CCDC6: variants seen among roughly 807,000 people sequenced by gnomAD.
CCDC6 encodes the protein coiled-coil domain-containing protein 6.
CCDC6 carries 20 observed loss-of-function variants against 56.6 expected under a neutral mutation model. That is an observed-to-expected ratio of 0.35 (90% CI 0.25 to 0.51). The LOEUF is 0.51. Among genes scored for constraint, CCDC6 ranks in the 20% least tolerant of loss-of-function variants. The probability of loss-of-function intolerance (pLI) is 0.95; values close to 1 mark genes in which losing one functional copy is unlikely to be tolerated. For missense variants in CCDC6, 367 were observed against 601.1 expected, an observed-to-expected ratio of 0.61 and a Z score of 4.07; for synonymous variants, 241 against 234.4, an observed-to-expected ratio of 1.03 and a Z score of -0.26.
At chr10:59,859,175 T>TG (rs996057451) in intron 1 of CCDC6, among the ~76,000 whole-genome samples, 5 of 148,840 alleles carry the variant, frequency 3.4e-5, no homozygotes, top group African/African-American at 1.2e-4. Context: ...GGAAGGTTTC[T>TG]GGAAAAAAAA....
intron 5 of CCDC6, among the ~76,000 whole-genome samples, chr10:59,809,092 C>T (rs1263806842): frequency 6.6e-6 from 1 of 152,140 alleles, no homozygotes; most frequent in Non-Finnish European, 1.5e-5. Context: ...CCCAAATATG[C>T]AAGCATGCAG....
In CCDC6 at chr10:59,792,999, G is replaced by T; in HGVS notation, c.1343C>A (p.Pro448His). Residue 448 changes from proline to histidine, a missense_variant, in exon 9 of 9, where the codon CCC becomes CAC. Around this residue, in one of 7 missense-constraint regions of CCDC6, gnomAD observed 54 missense variants for 60.0 expected, o/e 0.90. Coordinates refer to ENST00000263102, the MANE Select transcript of CCDC6 (RefSeq NM_005436.5). ...VQPPPPPPPP[P>H]MQPTVPSAAT... Reference sequence around the variant, plus strand: ...TGCTGAGGGGACCGTGGGCTGCATGGGTGGCGGAGGTGGAGGCGGAGGTGG... The same window carrying T: ...TGCTGAGGGGACCGTGGGCTGCATGTGTGGCGGAGGTGGAGGCGGAGGTGG... The T allele has an allele frequency of 6.2e-7, 1 of 1,613,392 alleles. No homozygotes were observed. The highest frequency in any genetic ancestry group is 8.5e-7 in the Non-Finnish European group (1 of 1,179,420).
chr10:59,844,884 G>A (rs558951710), intron 2 of CCDC6, among the ~76,000 whole-genome samples: 15 of 152,064 alleles, frequency 9.9e-5, no homozygotes, highest in Admixed American at 1.3e-4. Context: ...TCTAAGCTGA[G>A]GCATTATTGA....
chr10:59,835,358 C>A (rs540877887), intron 2 of CCDC6, among the ~76,000 whole-genome samples: 1 of 152,206 alleles, frequency 6.6e-6, no homozygotes, highest in East Asian at 1.9e-4. Flanking sequence ...CATATTTAGA[C>A]AGATGGTCTA....
intron 5 of CCDC6, 64 bp downstream of exon 5, chr10:59,812,571 C>T (rs938986178): frequency 1.8e-6 from 2 of 1,096,118 alleles, no homozygotes; most frequent in South Asian, 3.5e-5. Flanking sequence ...GTTGGTAATA[C>T]CCTATATTTG....
intron 1 of CCDC6, among the ~76,000 whole-genome samples, chr10:59,868,187 C>G (rs2071193495): frequency 6.6e-6 from 1 of 152,178 alleles, no homozygotes; most frequent in Non-Finnish European, 1.5e-5. Context: ...AGCTCACAAT[C>G]TGAGCTCATC....
chr10:59,821,180 T>TC (rs1215697524), intron 3 of CCDC6, among the ~76,000 whole-genome samples: 1 of 152,194 alleles, frequency 6.6e-6, no homozygotes, highest in African/African-American at 2.4e-5. Flanking sequence ...CATCCTATTT[T>TC]CCCATACACC....
At chr10:59,828,979 C>A (rs2070812219) in intron 3 of CCDC6, among the ~76,000 whole-genome samples, 1 of 152,144 alleles carries the variant, frequency 6.6e-6, no homozygotes, top group African/African-American at 2.4e-5. Context: ...CATTTATAGC[C>A]CATAGACCTT....
intron 1 of CCDC6, among the ~76,000 whole-genome samples, chr10:59,886,940 C>T (rs1472424136): frequency 1.3e-5 from 2 of 152,182 alleles, no homozygotes; most frequent in African/African-American, 2.4e-5. Flanking sequence ...ATGTCACTGT[C>T]CATTTACCAG....
At chr10:59,856,090 G>A (rs937124359) in intron 1 of CCDC6, among the ~76,000 whole-genome samples, 2 of 152,176 alleles carry the variant, frequency 1.3e-5, no homozygotes, top group African/African-American at 2.4e-5. Flanking sequence ...TTAACAAAGG[G>A]TTAACATGGC....
chr10:59,864,275 T>TA (rs1564751416), intron 1 of CCDC6, among the ~76,000 whole-genome samples: 1 of 152,230 alleles, frequency 6.6e-6, no homozygotes, highest in Non-Finnish European at 1.5e-5. Context: ...CTTTATCACC[T>TA]ACTGCTACAC....
intron 3 of CCDC6, among the ~76,000 whole-genome samples, chr10:59,817,419 A>G (rs113269932): frequency 1.4e-4 from 21 of 152,244 alleles, no homozygotes; most frequent in South Asian, 6.2e-4. Flanking sequence ...GCCTCAAGCA[A>G]TCCTCTGTCT....
intron 1 of CCDC6, among the ~76,000 whole-genome samples, chr10:59,858,356 T>C (rs1385088385): frequency 1.3e-5 from 2 of 152,180 alleles, no homozygotes; most frequent in Non-Finnish European, 1.5e-5. Context: ...ATTTACTCCA[T>C]TCCAGTATTG....
At position 59,906,322 on chromosome 10, in the gene CCDC6, C is replaced by G; in HGVS notation, c.103G>C (p.Gly35Arg). The change falls in exon 1 of 9, where the codon GGT becomes CGT. Residue 35 changes from glycine (G) to arginine (R), a missense_variant. This residue lies in a region of CCDC6 where 79 missense variants were observed against 74.9 expected (regional missense o/e 1.05). Transcript: ENST00000263102. Reference sequence around the variant, plus strand: ...CCGCCGCCGCCTCCCCCGCCGCCACCGCCGCCGCCCGAGGTCGACGAGCAG... The same window carrying G: ...CCGCCGCCGCCTCCCCCGCCGCCACGGCCGCCGCCCGAGGTCGACGAGCAG... ...SSCSSTSGGG[G>R]GGGGGGGGGK... 6.2e-7 allele frequency: 1 copy of G among 1,600,656 alleles called. No homozygotes were observed. The highest frequency in any genetic ancestry group is 8.5e-7 in the Non-Finnish European group (1 of 1,178,836).
intron 1 of CCDC6, among the ~76,000 whole-genome samples, chr10:59,883,985 A>G (rs1001361404): frequency 2.0e-5 from 3 of 152,188 alleles, no homozygotes; most frequent in Non-Finnish European, 4.4e-5. Context: ...TGAGAGAGTG[A>G]CCCATACAAA....
chr10:59,799,202 G>A (rs760909306), intron 7 of CCDC6, among the ~76,000 whole-genome samples: 4 of 151,208 alleles, frequency 2.6e-5, no homozygotes, highest in South Asian at 2.1e-4. Context: ...AGGCTGAAGC[G>A]GGTGGATCAC....
intron 2 of CCDC6, among the ~76,000 whole-genome samples, chr10:59,844,261 G>C (rs918010497): frequency 6.6e-6 from 1 of 152,060 alleles, no homozygotes; most frequent in Non-Finnish European, 1.5e-5. Flanking sequence ...CTGAGGACCA[G>C]AGTCAGGCCC....
chr10:59,852,712 A>T lies in CCDC6; in HGVS notation c.304-10T>A, dbSNP rs751157271. On this transcript the variant is annotated splice_polypyrimidine_tract_variant and intron_variant, in intron 1 of 8. Transcript: ENST00000263102. Reference sequence around the variant, plus strand: ...GCTCAGCCCTGGCTTGCTGTTTAAAAAAAAAAAAGGAAAGAACAAAACAAA... The same window carrying T: ...GCTCAGCCCTGGCTTGCTGTTTAAATAAAAAAAAGGAAAGAACAAAACAAA... 2.0e-5 allele frequency: 31 copies of T among 1,532,466 alleles called. No homozygotes were observed. The highest frequency in any genetic ancestry group is 2.7e-5 in the Non-Finnish European group (31 of 1,149,154). 94.9% of individuals were successfully genotyped at this position (1,532,466 alleles called of 1,614,324 possible).
chr10:59,798,871 TA>T (rs55876412), intron 7 of CCDC6, among the ~76,000 whole-genome samples: 73,891 of 150,986 alleles, frequency 0.49, 19,002 homozygotes, highest in African/African-American at 0.66. Flanking sequence ...TTTGTGCTGA[TA>T]AATCCCAGCT....
Sources: allele counts gnomAD v4.1 joint callset (sites outside exome capture counted in the v4.1 genomes callset), GRCh38; gene constraint gnomAD v4.1.1; regional missense constraint gnomAD v4.1.1; transcripts MANE v1.5; gene names NCBI Gene and HGNC (gene_info 2026-07-23, HGNC 2026-07-21).